SPAG1: variants seen among roughly 807,000 people sequenced by gnomAD.
The protein encoded by SPAG1 is sperm associated antigen 1.
In SPAG1, 69 loss-of-function variants were observed where a neutral mutation model predicts 100.5. The ratio of observed to expected loss-of-function variants is 0.69; its 90% CI spans 0.57 to 0.84. The LOEUF (loss-of-function observed/expected upper bound fraction) is 0.84, where lower values mean the gene tolerates loss of function less well. Among genes scored for constraint, SPAG1 ranks in the 40% least tolerant of loss-of-function variants. The pLI is 0.00. For missense variants in SPAG1, 955 were observed against 1,133.1 expected (o/e 0.84, Z 2.26); for synonymous variants, 336 against 411.6 (o/e 0.82, Z 2.22).
intron 7 of SPAG1, among the ~76,000 whole-genome samples, chr8:100,186,911 A>C (rs910427841): frequency 3.3e-5 from 5 of 151,904 alleles, no homozygotes; most frequent in African/African-American, 1.2e-4. Flanking sequence ...ACTTCATTTC[A>C]CCTTAATTAG....
Position 100,239,369 on chromosome 8 carries a change from A to G in SPAG1, c.2245A>G (p.Lys749Glu). ...NLKDKTAPFNKEKERRKIEIQ... is the reference protein window; with the variant it reads ...NLKDKTAPFNEEKERRKIEIQ... ...TAAGGATAAGACAGCACCATTCAAC[A>G]AAGAAAAGGAGAGAAGGAAAATTGA... Residue 749 changes from lysine (K) to glutamate (E), a missense_variant, in exon 17 of 19, where the codon AAA (lysine) becomes GAA (glutamate). By Grantham distance (56) the Lys-to-Glu change is moderately conservative. Coordinates refer to ENST00000388798, the MANE Select transcript of SPAG1 (RefSeq NM_003114.5). The surrounding 1 kb of genome is among the most constrained non-coding windows in gnomAD (Gnocchi z 5.0). 6.2e-7 allele frequency: 1 copy of G among 1,606,810 alleles called. No homozygotes were observed. Among genetic ancestry groups the G allele is most frequent in the Non-Finnish European group, 8.5e-7 (1 of 1,173,684 alleles).
intron 9 of SPAG1, among the ~76,000 whole-genome samples, chr8:100,192,041 T>C (rs896970886): frequency 3.9e-5 from 6 of 152,132 alleles, no homozygotes; most frequent in African/African-American, 1.4e-4. Context: ...AAAGACTTTG[T>C]CACTCCAAGC....
rs60138205 is a variant in SPAG1, at chr8:100,241,121, G to A, written c.*99G>A. The A allele has an allele frequency of 1.6e-6, 2 of 1,285,484 alleles. No individual in the cohort carries two copies. Among genetic ancestry groups the A allele is most frequent in the Non-Finnish European group, 2.1e-6 (2 of 930,986 alleles). The allele number at this position is 1,285,484 out of a possible 1,614,324, so 79.6% of individuals were successfully genotyped here. A position where few individuals can be genotyped will look rare whatever the true frequency, so the allele number is the denominator to read the frequency against. ...AGTTGCATGGATAAAACTTGGCCTAGAAAAGTTTGGTCTGCACTATAAAAC... is the reference window on the plus strand; with the variant it reads ...AGTTGCATGGATAAAACTTGGCCTAAAAAAGTTTGGTCTGCACTATAAAAC... On this transcript the variant is annotated 3_prime_UTR_variant, in exon 19 of 19. Transcript: ENST00000388798. The surrounding 1 kb of genome is among the most constrained non-coding windows in gnomAD (Gnocchi z 5.1).
intron 10 of SPAG1, chr8:100,194,480 T>C (rs1816946442): frequency 7.8e-6 from 5 of 642,506 alleles, no homozygotes; most frequent in Non-Finnish European, 1.1e-5. Flanking sequence ...CACCTTTTTC[T>C]AGTGCTCAGT....
intron 17 of SPAG1, 125 bp from the exon 18 acceptor site, chr8:100,240,278 C>G: frequency 1.2e-6 from 1 of 811,352 alleles, no homozygotes; most frequent in Non-Finnish European, 1.8e-6. Flanking sequence ...ACAAAGTTTT[C>G]ACTTGGAACT....
In SPAG1 at chr8:100,239,180, C is replaced by G; in HGVS notation, c.2116-60C>G. ...TCACTACATCCACCCCACTCCCACT[C>G]AGGTTACTCTAGGCTCCTTCTATTT... On this transcript the variant is annotated intron_variant, in intron 16 of 18. Transcript: ENST00000388798. This position sits in a 1 kb window ranked among gnomAD's most constrained non-coding sequence, Gnocchi z 5.0. The G allele has an allele frequency of 9.2e-7, 1 of 1,088,282 alleles. No individual in the cohort carries two copies. Among genetic ancestry groups the G allele is most frequent in the Non-Finnish European group, 1.3e-6 (1 of 757,652 alleles). 67.4% of individuals were successfully genotyped at this position (1,088,282 alleles called of 1,614,324 possible). A position where few individuals can be genotyped will look rare whatever the true frequency, so the allele number is the denominator to read the frequency against.
chr8:100,223,351 G>A (rs1818364641), intron 13 of SPAG1, among the ~76,000 whole-genome samples: 2 of 152,178 alleles, frequency 1.3e-5, no homozygotes, highest in African/African-American at 4.8e-5. Context: ...TTTGTTATAT[G>A]TACTCAGGAA....
chr8:100,223,744 C>G (rs1485544995), intron 13 of SPAG1, among the ~76,000 whole-genome samples: 3 of 151,886 alleles, frequency 2.0e-5, no homozygotes, highest in Non-Finnish European at 4.4e-5. Flanking sequence ...TTCTTCCTTC[C>G]TCTCTGCTGG....
chr8:100,173,747 G>T (rs1195755239), intron 3 of SPAG1, among the ~76,000 whole-genome samples: 1 of 152,164 alleles, frequency 6.6e-6, no homozygotes, highest in Non-Finnish European at 1.5e-5. Flanking sequence ...ACTAACAATA[G>T]ATGATTTTTA....
intron 10 of SPAG1, among the ~76,000 whole-genome samples, chr8:100,208,824 G>T (rs1278088596): frequency 6.6e-6 from 1 of 152,092 alleles, no homozygotes; most frequent in Non-Finnish European, 1.5e-5. Flanking sequence ...TATTATGTTA[G>T]GTGTAATTAT....
At chr8:100,164,405 A>T (rs930237623) in intron 2 of SPAG1, among the ~76,000 whole-genome samples, 9 of 152,188 alleles carry the variant, frequency 5.9e-5, no homozygotes, top group African/African-American at 2.2e-4. Context: ...AAACTTAGAA[A>T]AAGTAAATGA....
At chr8:100,191,122 C>A (rs1816797570) in intron 8 of SPAG1, among the ~76,000 whole-genome samples, 1 of 152,110 alleles carries the variant, frequency 6.6e-6, no homozygotes, top group Non-Finnish European at 1.5e-5. Flanking sequence ...GGTATGAAAT[C>A]TCTTAGTTCT....
chr8:100,173,033 CTTTTTTTTTTT>C (rs149257955), intron 3 of SPAG1, among the ~76,000 whole-genome samples: 7 of 63,614 alleles, frequency 1.1e-4, no homozygotes, highest in Admixed American at 2.2e-4. Flanking sequence ...TTGACCACTT[CTTTTTTTTTTT>C]TTTTTTTTTT....
intron 10 of SPAG1, among the ~76,000 whole-genome samples, chr8:100,200,171 C>T (rs1329773966): frequency 1.3e-5 from 2 of 152,154 alleles, no homozygotes; most frequent in Non-Finnish European, 2.9e-5. Flanking sequence ...TGTTCAATTC[C>T]CACCTATGAG....
chr8:100,227,707 A>G (rs1449338081), intron 14 of SPAG1, among the ~76,000 whole-genome samples: 2 of 152,290 alleles, frequency 1.3e-5, no homozygotes, highest in East Asian at 1.9e-4. Context: ...GATAGTGAGA[A>G]TGGATACCAA....
intron 3 of SPAG1, among the ~76,000 whole-genome samples, chr8:100,177,475 A>C (rs771267234): frequency 1.3e-5 from 2 of 151,752 alleles, no homozygotes; most frequent in Non-Finnish European, 2.9e-5. Context: ...ATGGTCTGTA[A>C]GTGTTTGTGT....
intron 14 of SPAG1, 133 bp downstream of exon 14, chr8:100,225,472 A>G (rs1818468283): frequency 1.3e-6 from 1 of 768,332 alleles, no homozygotes; most frequent in East Asian, 2.8e-5. Context: ...TGTTCTCCCT[A>G]TTTTATTATT....
chr8:100,191,363 A>G (rs746598418), intron 8 of SPAG1, 27 bp from the exon 9 acceptor site: 11 of 1,509,864 alleles, frequency 7.3e-6, no homozygotes, highest in African/African-American at 1.4e-5. Context: ...ATTAAAAAAC[A>G]TAACTTTTAT....
chr8:100,228,107 G>T (rs894524834), intron 14 of SPAG1, among the ~76,000 whole-genome samples: 8 of 152,106 alleles, frequency 5.3e-5, no homozygotes, highest in South Asian at 4.1e-4. Context: ...ACCTCTGAAA[G>T]TTCTGGGCTA....
Sources: allele counts gnomAD v4.1 joint callset (sites outside exome capture counted in the v4.1 genomes callset), GRCh38; gene constraint gnomAD v4.1.1; non-coding constraint Gnocchi (gnomAD v3.1); transcripts MANE v1.5; gene names NCBI Gene and HGNC (gene_info 2026-07-23, HGNC 2026-07-21).